Variants in ESCO2 observed in about 807,000 individuals in gnomAD.
ESCO2 encodes the protein establishment of sister chromatid cohesion N-acetyltransferase 2.
Under a neutral mutation model 61.7 loss-of-function variants are expected in ESCO2, and 51 were observed. The observed-to-expected ratio is 0.83, with a 90% CI of 0.66 to 1.04. The LOEUF (loss-of-function observed/expected upper bound fraction) is 1.04, where lower values mean the gene tolerates loss of function less well. Among genes scored for constraint, ESCO2 ranks in the 50% least tolerant of loss-of-function variants. The pLI, the probability that ESCO2 is intolerant of heterozygous loss-of-function variation, is 0.00. For synonymous variants in ESCO2, 230 were observed against 238.2 expected, an observed-to-expected ratio of 0.97 and a Z score of 0.32; for missense variants, 692 against 686.2, an observed-to-expected ratio of 1.01 and a Z score of -0.09.
chr8:27,791,701 G>A lies in ESCO2; in HGVS notation c.1264-262G>A, dbSNP rs954883641. ...CTCCCAAAGTGCTAGGATTACAGGT[G>A]TGAGCCACCGCACCTTTACCTCTTT... is the stretch of plus-strand genomic sequence containing the variant. On this transcript the variant is annotated intron_variant, in intron 7 of 10. Transcript: ENST00000305188. 2.0e-5 allele frequency among the ~76,000 whole-genome samples: 3 copies of A among 152,278 alleles called. No individual in the cohort carries two copies. In the South Asian group the frequency reaches 6.2e-4, roughly 32 times the overall value.
At chr8:27,809,264 G>C (rs1366511145), downstream of ESCO2, among the ~76,000 whole-genome samples, 1 of 152,128 alleles carries the variant, frequency 6.6e-6, no homozygotes, top group African/African-American at 2.4e-5. Flanking sequence ...TTATTTTGAT[G>C]GAATATATGC....
downstream of ESCO2, among the ~76,000 whole-genome samples, chr8:27,816,387 A>AT (rs1244707079): frequency 5.9e-4 from 59 of 100,286 alleles, no homozygotes; most frequent in South Asian, 0.01. Context: ...ATTTTAATTT[A>AT]TTTTTTTTTG....
At chr8:27,778,585 C>T (rs1016223849) in intron 3 of ESCO2, 2 of 152,068 alleles carry the variant, frequency 1.3e-5, no homozygotes, top group Non-Finnish European at 2.9e-5. Flanking sequence ...TGTCTCAATC[C>T]AGTAAAACAA....
Position 27,803,499 on chromosome 8 carries a change from A to G in ESCO2, c.*61A>G. 2 of 1,594,392 alleles carry G rather than the reference A, an allele frequency of 1.3e-6. No homozygotes were observed. Among genetic ancestry groups the G allele is most frequent in the Non-Finnish European group, 1.7e-6 (2 of 1,170,268 alleles). On this transcript the variant is annotated 3_prime_UTR_variant, in exon 11 of 11. Coordinates refer to ENST00000305188, the MANE Select transcript of ESCO2 (RefSeq NM_001017420.3). Reference sequence around the variant, plus strand: ...TAAGTTCAAAGAGCTCCTTATTATAAAATACAAACTATTTAATATCAAAAT... The same window carrying G: ...TAAGTTCAAAGAGCTCCTTATTATAGAATACAAACTATTTAATATCAAAAT...
At chr8:27,775,671 C>T in intron 2 of ESCO2, 104 bp downstream of exon 2, 1 of 992,430 alleles carries the variant, frequency 1.0e-6, no homozygotes, top group South Asian at 1.3e-5. Context: ...TAGCCTACTC[C>T]TTGTGGCTAC....
At chr8:27,776,112 C>T (rs989457663) in intron 2 of ESCO2, among the ~76,000 whole-genome samples, 7 of 152,176 alleles carry the variant, frequency 4.6e-5, no homozygotes, top group African/African-American at 1.7e-4. Flanking sequence ...AACATACATG[C>T]ATATATGTCT....
chr8:27,815,166 G>A (rs1237407857), downstream of ESCO2, among the ~76,000 whole-genome samples: 1 of 151,924 alleles, frequency 6.6e-6, no homozygotes, highest in Non-Finnish European at 1.5e-5. Flanking sequence ...AGGAAAAGAG[G>A]ATGAAACTAA....
chr8:27,784,088 C>G, intron 5 of ESCO2, 31 bp downstream of exon 5: 1 of 1,602,154 alleles, frequency 6.2e-7, no homozygotes, highest in Non-Finnish European at 8.6e-7. Context: ...AAAGTCCAAG[C>G]CTTGTAAATT....
At chr8:27,792,930 C>G in intron 9 of ESCO2, 119 bp downstream of exon 9, 2 of 1,151,002 alleles carry the variant, frequency 1.7e-6, no homozygotes, top group South Asian at 3.5e-5. Context: ...CTGAAATATC[C>G]TTGACCTAGT....
chr8:27,781,171 C>T (rs535600553), intron 4 of ESCO2, among the ~76,000 whole-genome samples: 2 of 152,218 alleles, frequency 1.3e-5, no homozygotes, highest in South Asian at 4.1e-4. Flanking sequence ...TTAATAACTA[C>T]AGTTTATCAT....
intron 4 of ESCO2, among the ~76,000 whole-genome samples, chr8:27,781,618 T>TG (rs1367846581): frequency 6.6e-6 from 1 of 151,348 alleles, no homozygotes; most frequent in South Asian, 2.1e-4. Context: ...TGGAGTGCAG[T>TG]GGCACCATCT....
chr8:27,816,467 C>G (rs1805817534), downstream of ESCO2, among the ~76,000 whole-genome samples: 1 of 151,414 alleles, frequency 6.6e-6, no homozygotes, highest in Non-Finnish European at 1.5e-5. Flanking sequence ...AGCTCTGCCT[C>G]CTGGGTTCAC....
At chr8:27,785,997 T>A (rs1192793030) in intron 5 of ESCO2, among the ~76,000 whole-genome samples, 1 of 152,150 alleles carries the variant, frequency 6.6e-6, no homozygotes, top group East Asian at 1.9e-4. Flanking sequence ...TAAACAAATA[T>A]AGTGTTAGAG....
At chr8:27,790,929 GTA>G (rs1234316612) in intron 7 of ESCO2, among the ~76,000 whole-genome samples, 1 of 152,150 alleles carries the variant, frequency 6.6e-6, no homozygotes, top group African/African-American at 2.4e-5. Context: ...GCTTCATACT[GTA>G]TAGTTAGGTA....
intron 10 of ESCO2, among the ~76,000 whole-genome samples, chr8:27,801,969 A>AT (rs34539100): frequency 0.4 from 33,047 of 83,044 alleles, 9,024 homozygotes; most frequent in East Asian, 0.53. Flanking sequence ...CCTTCATGGC[A>AT]TTTTTTTTTT....
At chr8:27,807,849 G>A (rs1439327133), downstream of ESCO2, among the ~76,000 whole-genome samples, 1 of 152,168 alleles carries the variant, frequency 6.6e-6, no homozygotes, top group East Asian at 1.9e-4. Flanking sequence ...GGTCATGATG[G>A]TGGAAGGAAC....
chr8:27,777,674 C>A (rs78211008), intron 3 of ESCO2: 2 of 152,424 alleles, frequency 1.3e-5, no homozygotes, highest in African/African-American at 4.8e-5. Context: ...TCTAGAACTT[C>A]TGTTGCTGAC....
At chr8:27,797,113 A>G (rs1273668737) in intron 9 of ESCO2, among the ~76,000 whole-genome samples, 1 of 148,342 alleles carries the variant, frequency 6.7e-6, no homozygotes, top group African/African-American at 2.5e-5. Flanking sequence ...CTATCTCTTA[A>G]GAAAGAAAAA....
downstream of ESCO2, chr8:27,810,999 G>A (rs778181131): frequency 1.7e-5 from 27 of 1,611,520 alleles, no homozygotes; most frequent in Admixed American, 3.3e-5. Flanking sequence ...GTGTGGAATC[G>A]ATAAAGTCAT....
Sources: gnomAD v4.1 joint callset for allele counts (sites outside exome capture counted in the v4.1 genomes callset) on GRCh38, gnomAD v4.1.1 for gene constraint, MANE v1.5 for transcripts, NCBI Gene and HGNC (gene_info 2026-07-23, HGNC 2026-07-21) for gene names.